DNM1: variants seen among roughly 807,000 people sequenced by gnomAD.
The protein encoded by DNM1 is dynamin-1.
DNM1 carries 29 observed loss-of-function variants against 104.6 expected under a neutral mutation model. The ratio of observed to expected loss-of-function variants is 0.28; its 90% CI spans 0.21 to 0.38. DNM1 has a LOEUF of 0.38. Among genes scored for constraint, DNM1 ranks in the 10% least tolerant of loss-of-function variants. DNM1 has a pLI of 1.00. For synonymous variants in DNM1, 445 were observed against 475.8 expected, an observed-to-expected ratio of 0.94 and a Z score of 0.84; for missense variants, 640 against 1,189.4, an observed-to-expected ratio of 0.54 and a Z score of 6.79.
At position 128,222,427 on chromosome 9, in the gene DNM1, C is replaced by T. The variant is rs761514698; in HGVS notation, c.993-34C>T. ...CCAGGGTTCCCTTTGCTGGGCTGCT[C>T]CTGCCCCCTCAGGCCACACCACTCT... is the stretch of plus-strand genomic sequence containing the variant. On this transcript the variant is annotated intron_variant, in intron 7 of 21. Coordinates refer to ENST00000372923, the MANE Select transcript of DNM1 (RefSeq NM_004408.4). The surrounding 1 kb of genome is among the most constrained non-coding windows in gnomAD (Gnocchi z 7.8). The T allele has an allele frequency of 8.1e-6, 13 of 1,612,384 alleles. No homozygotes were observed. Among genetic ancestry groups the T allele is most frequent in the Non-Finnish European group, 1.1e-5 (13 of 1,178,722 alleles).
chr9:128,244,586 C>A, intron 15 of DNM1: 1 of 268,402 alleles, frequency 3.7e-6, no homozygotes, highest in Admixed American at 4.2e-5. Flanking sequence ...CTACCCCCAA[C>A]CAGTCCCACA....
intron 21 of DNM1, 118 bp downstream of exon 21, chr9:128,251,058 G>A: frequency 1.4e-6 from 1 of 739,086 alleles, no homozygotes; most frequent in African/African-American, 1.8e-5. Context: ...TCTATCCCAG[G>A]CAATCGGACT....
At chr9:128,226,293 G>C in intron 10 of DNM1, 2 of 1,443,698 alleles carry the variant, frequency 1.4e-6, no homozygotes, top group Non-Finnish European at 1.9e-6. Context: ...CCCAGCCCTA[G>C]TGTTTCCTGC....
chr9:128,219,384 G>A, intron 4 of DNM1, 132 bp downstream of exon 4: 1 of 831,318 alleles, frequency 1.2e-6, no homozygotes, highest in Non-Finnish European at 1.9e-6. Flanking sequence ...AAATCACTTT[G>A]GGGGTCAGGC....
chr9:128,242,888 G>A (rs1836465627), intron 15 of DNM1, among the ~76,000 whole-genome samples: 1 of 152,160 alleles, frequency 6.6e-6, no homozygotes, highest in Non-Finnish European at 1.5e-5. Flanking sequence ...TGAGGAGCCT[G>A]GGGCTAAGCG....
At position 128,254,746 on chromosome 9, in the gene DNM1, T is replaced by G; in HGVS notation, c.*32T>G. The G allele has an allele frequency of 6.3e-7, 1 of 1,585,480 alleles. No homozygotes were observed. The highest frequency in any genetic ancestry group is 8.5e-7 in the Non-Finnish European group (1 of 1,170,194). On this transcript the variant is annotated 3_prime_UTR_variant, in exon 22 of 22. Transcript: ENST00000372923. The surrounding 1 kb of genome is among the most constrained non-coding windows in gnomAD (Gnocchi z 6.1). ...CCCTCCTCTTCTCGGAGACCTCCCT[T>G]TCCAAGCCTGCCTGGACGGCTGTTC... is the stretch of plus-strand genomic sequence containing the variant.
chr9:128,249,086 G>A (rs1289888436), intron 19 of DNM1, among the ~76,000 whole-genome samples: 1 of 151,778 alleles, frequency 6.6e-6, no homozygotes, highest in Non-Finnish European at 1.5e-5. Context: ...GCAGCTACTC[G>A]GGAGGCTGAG....
intron 10 of DNM1, among the ~76,000 whole-genome samples, chr9:128,233,356 G>C (rs756008532): frequency 2.0e-5 from 3 of 152,156 alleles, no homozygotes; most frequent in Non-Finnish European, 4.4e-5. Flanking sequence ...AGGCCCCGCG[G>C]GGTACTGCTC....
chr9:128,246,055 G>A (rs866432623), intron 15 of DNM1, among the ~76,000 whole-genome samples: 1 of 152,228 alleles, frequency 6.6e-6, no homozygotes, highest in Non-Finnish European at 1.5e-5. Context: ...CAGGCCGGGG[G>A]TGAGAGAGGC....
At chr9:128,251,356 C>T (rs969283072) in intron 21 of DNM1, 1 of 349,180 alleles carries the variant, frequency 2.9e-6, no homozygotes, top group African/African-American at 2.2e-5. Flanking sequence ...CTCTGAACCC[C>T]GATCTGCTCT....
Position 128,222,428 on chromosome 9 carries a change from C to T in DNM1, c.993-33C>T, listed in dbSNP as rs1311600246. 2 of 1,612,572 alleles carry T rather than the reference C, an allele frequency of 1.2e-6. No individual in the cohort carries two copies. The highest frequency in any genetic ancestry group is 1.7e-6 in the Non-Finnish European group (2 of 1,178,756). Reference sequence around the variant, plus strand: ...CAGGGTTCCCTTTGCTGGGCTGCTCCTGCCCCCTCAGGCCACACCACTCTC... The same window carrying T: ...CAGGGTTCCCTTTGCTGGGCTGCTCTTGCCCCCTCAGGCCACACCACTCTC... On this transcript the variant is annotated intron_variant, in intron 7 of 21. Coordinates refer to ENST00000372923, the MANE Select transcript of DNM1 (RefSeq NM_004408.4). The surrounding 1 kb of genome is among the most constrained non-coding windows in gnomAD (Gnocchi z 7.8).
chr9:128,238,245 A>G (rs1452528846), intron 11 of DNM1, among the ~76,000 whole-genome samples: 1 of 149,546 alleles, frequency 6.7e-6, no homozygotes, highest in East Asian at 2.0e-4. Flanking sequence ...TTTGTTTGTG[A>G]CAGAGTTTCG....
At chr9:128,239,670 G>A (rs1836244059) in intron 12 of DNM1, 58 bp from the exon 13 acceptor site, 2 of 1,552,268 alleles carry the variant, frequency 1.3e-6, no homozygotes, top group East Asian at 2.2e-5. Context: ...ACTAAGCAGT[G>A]GGCAGTAGAG....
chr9:128,244,717 G>A (rs776951533), intron 15 of DNM1: 4 of 530,352 alleles, frequency 7.5e-6, no homozygotes, highest in East Asian at 5.5e-5. Flanking sequence ...CAGTGGCGGC[G>A]GTGCCGAGGG....
intron 12 of DNM1, 36 bp downstream of exon 12, chr9:128,239,551 T>C (rs1836229109): frequency 6.5e-7 from 1 of 1,533,122 alleles, no homozygotes; most frequent in Non-Finnish European, 9.0e-7. Context: ...GAGTGCTCCC[T>C]GGGCAGAGAA....
intron 10 of DNM1, among the ~76,000 whole-genome samples, chr9:128,225,010 C>A (rs1324141053): frequency 2.0e-5 from 3 of 152,172 alleles, no homozygotes; most frequent in African/African-American, 7.2e-5. Context: ...TCCCATCTGC[C>A]CCACCATCCA....
chr9:128,250,637 T>A (rs1309119553), intron 20 of DNM1, 88 bp from the exon 21 acceptor site: 5 of 1,165,696 alleles, frequency 4.3e-6, no homozygotes, highest in African/African-American at 1.7e-5. Context: ...TGCATGGGCG[T>A]GGCCAGCACT....
rs938161523 is a variant in DNM1, at chr9:128,245,409, C to A, written c.1672-985C>A. 1.3e-5 allele frequency among the ~76,000 whole-genome samples: 2 copies of A among 151,932 alleles called. No individual in the cohort carries two copies. Among genetic ancestry groups the A allele is most frequent in the Non-Finnish European group, 2.9e-5 (2 of 67,944 alleles). Reference sequence around the variant, plus strand: ...GGCCCACACAGACGACCCCCGTGAACAAGTAGGGCATGGGTGACAAAAACC... The same window carrying A: ...GGCCCACACAGACGACCCCCGTGAAAAAGTAGGGCATGGGTGACAAAAACC... On this transcript the variant is annotated intron_variant, in intron 15 of 21. Transcript: ENST00000372923. This position sits in a 1 kb window ranked among gnomAD's most constrained non-coding sequence, Gnocchi z 5.2.
Position 128,244,670 on chromosome 9 carries a change from G to A in DNM1, c.1672-1724G>A, listed in dbSNP as rs537212527. On this transcript the variant is annotated intron_variant, in intron 15 of 21. Coordinates refer to ENST00000372923, the MANE Select transcript of DNM1 (RefSeq NM_004408.4). ...CCCCAACCCCCTGGCTCCAGGCTCC[G>A]GTTCTGGGATGGCAGGCAGGGGTCG... is the stretch of plus-strand genomic sequence containing the variant. The A allele has an allele frequency of 3.3e-5, 16 of 492,006 alleles. No homozygotes were observed. The East Asian group carries it at 4.0e-4, about 12-fold the overall frequency. The allele number at this position is 492,006 out of a possible 1,614,324, so 30.5% of individuals were successfully genotyped here.
Sources: gnomAD v4.1 joint callset for allele counts (sites outside exome capture counted in the v4.1 genomes callset) on GRCh38, gnomAD v4.1.1 for gene constraint, Gnocchi (gnomAD v3.1) non-coding constraint, MANE v1.5 for transcripts, NCBI Gene and HGNC (gene_info 2026-07-23, HGNC 2026-07-21) for gene names.